Variants in DACH2 observed in about 807,000 individuals in gnomAD.
DACH2 encodes the protein dachshund homolog 2.
DACH2 carries 17 observed loss-of-function variants against 35.8 expected under a neutral mutation model. The observed-to-expected ratio is 0.48, with a 90% confidence interval of 0.33 to 0.71. The LOEUF is 0.71. Ranked by LOEUF, DACH2 falls within the 30% of genes least tolerant of loss-of-function variation. The pLI is 0.02. For synonymous variants in DACH2, 195 were observed against 177.3 expected (o/e 1.10, Z -0.79); for missense variants, 469 against 472.7 (o/e 0.99, Z 0.07).
rs770786195 is a variant in DACH2 at position 86,261,357 on chromosome X, TAA to T, written c.488+112251_488+112252del. Among the ~76,000 whole-genome samples the T allele has an allele frequency of 2.5e-4, 28 of 111,823 alleles. No homozygotes were observed. The East Asian group carries it at 4.0e-3, about 16-fold the overall frequency. On this transcript the variant is annotated intron_variant, in intron 1 of 11. Transcript: ENST00000373125. ...TAATGCAGGGAGATTTAGTGAAAAATAAAGTCATAGCACCAAAACAATTGGTA... is the reference window on the plus strand; with the variant it reads ...TAATGCAGGGAGATTTAGTGAAAAATAGTCATAGCACCAAAACAATTGGTA...
intron 3 of DACH2, among the ~76,000 whole-genome samples, chrX:86,578,515 T>C (rs955682933): frequency 6.3e-5 from 7 of 111,724 alleles, no homozygotes; most frequent in African/African-American, 2.3e-4. Flanking sequence ...TGCTATATAA[T>C]TGGAATCATA....
chrX:86,487,400 C>T (rs1315420377), intron 2 of DACH2, among the ~76,000 whole-genome samples: 1 of 111,732 alleles, frequency 8.9e-6, no homozygotes, highest in Admixed American at 9.6e-5. Context: ...CGGTGGTAGG[C>T]TTAAAGATGA....
At chrX:86,670,068 C>G (rs961447892) in intron 4 of DACH2, among the ~76,000 whole-genome samples, 11 of 111,210 alleles carry the variant, frequency 9.9e-5, no homozygotes, top group African/African-American at 3.6e-4. Flanking sequence ...ATGTACAAAT[C>G]AACTGTAAGG....
intron 3 of DACH2, among the ~76,000 whole-genome samples, chrX:86,647,994 T>G (rs1260375590): frequency 9.0e-6 from 1 of 111,058 alleles, no homozygotes; most frequent in Admixed American, 9.6e-5. Context: ...GAGGCAATAA[T>G]GAAATTAAGT....
intron 1 of DACH2, among the ~76,000 whole-genome samples, chrX:86,292,614 T>C (rs1043653819): frequency 4.5e-5 from 5 of 110,644 alleles, no homozygotes; most frequent in African/African-American, 9.9e-5. Context: ...CCAGAGATTC[T>C]GGTATGTTGT....
intron 1 of DACH2, among the ~76,000 whole-genome samples, chrX:86,169,505 T>C (rs1467718458): frequency 9.0e-6 from 1 of 111,144 alleles, no homozygotes; most frequent in Non-Finnish European, 1.9e-5. Flanking sequence ...TGTCTTCTCT[T>C]TAAGGCCAGT....
intron 1 of DACH2, among the ~76,000 whole-genome samples, chrX:86,234,019 G>A (rs1602309395): frequency 3.6e-5 from 4 of 112,183 alleles, no homozygotes; most frequent in South Asian, 3.7e-4. Context: ...TAGAGGAAAT[G>A]CTTTATTGGA....
intron 2 of DACH2, among the ~76,000 whole-genome samples, chrX:86,394,265 T>C (rs1353836153): frequency 9.0e-6 from 1 of 110,680 alleles, no homozygotes; most frequent in Non-Finnish European, 1.9e-5. Flanking sequence ...AAGTGCTAAA[T>C]AAATATTAGT....
chrX:86,409,805 A>G, intron 2 of DACH2, among the ~76,000 whole-genome samples: 1 of 112,366 alleles, frequency 8.9e-6, no homozygotes, highest in Middle Eastern at 4.6e-3. Flanking sequence ...TAAAACTGAT[A>G]TTTCTCTCGT....
rs34700295 is a variant in DACH2 at position 86,802,528 on chromosome X, GAAAAAAAAAA to G, written c.1241-10314_1241-10305del. On this transcript the variant is annotated intron_variant, in intron 7 of 11. Coordinates refer to ENST00000373125, the MANE Select transcript of DACH2 (RefSeq NM_053281.3). ...AAGAAGAGAAGTTTCTTTCTTGGTT[GAAAAAAAAAA>G]AAAAAAAAAAAAAGAAGACTGGATG... is the stretch of plus-strand genomic sequence containing the variant. Among the ~76,000 whole-genome samples the G allele has an allele frequency of 3.0e-4, 19 of 63,141 alleles. No individual in the cohort carries two copies. The East Asian group carries it at 0.01, about 35-fold the overall frequency. The allele number at this position is 63,141 out of a possible 115,157, so 54.8% of individuals were successfully genotyped here.
chrX:86,624,541 T>C (rs2040110404), intron 3 of DACH2, among the ~76,000 whole-genome samples: 1 of 111,923 alleles, frequency 8.9e-6, no homozygotes, highest in South Asian at 3.7e-4. Flanking sequence ...AATTATACCT[T>C]TGACTTTGGA....
intron 7 of DACH2, among the ~76,000 whole-genome samples, chrX:86,770,014 A>T (rs1319383794): frequency 1.8e-5 from 2 of 110,580 alleles, no homozygotes; most frequent in Non-Finnish European, 3.8e-5. Flanking sequence ...AAATAAATAA[A>T]AAATAAAAAA....
Position 86,714,589 on chromosome X carries a change from C to A in DACH2, c.973C>A (p.Pro325Thr). 8.3e-7 allele frequency: 1 copy of A among 1,207,741 alleles called. No individual in the cohort carries two copies. The highest frequency in any genetic ancestry group is 3.0e-5 in the East Asian group (1 of 33,772). Reference protein sequence around the residue: ...PFMMMPHPLLPVSLPPASVAM... With the variant: ...PFMMMPHPLLTVSLPPASVAM... ...TATGATGATGCCTCATCCCCTACTTCCAGTCAGCTTACCTCCTGCATCAGT... is the reference window on the plus strand; with the variant it reads ...TATGATGATGCCTCATCCCCTACTTACAGTCAGCTTACCTCCTGCATCAGT... The change falls in exon 6 of 12, where the codon CCA (proline) becomes ACA (threonine). Residue 325 changes from proline to threonine, a missense_variant. Coordinates refer to ENST00000373125, the MANE Select transcript of DACH2 (RefSeq NM_053281.3).
intron 4 of DACH2, among the ~76,000 whole-genome samples, chrX:86,690,279 T>A (rs1015467942): frequency 6.3e-5 from 7 of 111,901 alleles, no homozygotes; most frequent in African/African-American, 2.3e-4. Flanking sequence ...TTGGAACACA[T>A]CATAATGATC....
chrX:86,829,657 C>T (rs955058065), intron 11 of DACH2: 1 of 112,465 alleles, frequency 8.9e-6, no homozygotes, highest in African/African-American at 3.2e-5. Flanking sequence ...AGGTTCATCT[C>T]CTGTGTGGAG....
At chrX:86,300,363 T>C (rs1209813973) in intron 1 of DACH2, among the ~76,000 whole-genome samples, 1 of 112,165 alleles carries the variant, frequency 8.9e-6, no homozygotes, top group Admixed American at 9.5e-5. Context: ...TTTATTTTAA[T>C]CATGAGAAAG....
chrX:86,625,387 G>A (rs1032934960), intron 3 of DACH2, among the ~76,000 whole-genome samples: 3 of 110,341 alleles, frequency 2.7e-5, no homozygotes, highest in East Asian at 2.9e-4. Flanking sequence ...GGATGAGTTG[G>A]TATCAGAATT....
At chrX:86,304,939 C>G (rs1602384135) in intron 1 of DACH2, 1 of 124,543 alleles carries the variant, frequency 8.0e-6, no homozygotes. Flanking sequence ...CTAAGAGGCC[C>G]AGTGAGCAGC....
At chrX:86,652,159 C>A (rs1054784622) in intron 4 of DACH2, among the ~76,000 whole-genome samples, 1 of 110,887 alleles carries the variant, frequency 9.0e-6, no homozygotes, top group Non-Finnish European at 1.9e-5. Context: ...TTCATATGTT[C>A]TCATCATTTA....
Sources: gnomAD v4.1 joint callset for allele counts (sites outside exome capture counted in the v4.1 genomes callset) on GRCh38, gnomAD v4.1.1 for gene constraint, MANE v1.5 for transcripts, NCBI Gene and HGNC (gene_info 2026-07-23, HGNC 2026-07-21) for gene names.